Variants in SENP5 observed in about 807,000 individuals in gnomAD.
SENP5 encodes SUMO specific peptidase 5.
Under a neutral mutation model 74.2 loss-of-function variants are expected in SENP5, and 21 were observed. That is an observed-to-expected ratio of 0.28 (90% CI 0.20 to 0.41). The LOEUF (loss-of-function observed/expected upper bound fraction) is 0.41. Among genes scored for constraint, SENP5 ranks in the 10% least tolerant of loss-of-function variants. The pLI is 1.00. For missense variants in SENP5, 717 were observed against 889.1 expected (o/e 0.81, Z 2.46); for synonymous variants, 311 against 312.7 (o/e 0.99, Z 0.06).
At chr3:196,911,514 G>A (rs1002371145) in intron 6 of SENP5, among the ~76,000 whole-genome samples, 4 of 150,182 alleles carry the variant, frequency 2.7e-5, no homozygotes, top group African/African-American at 4.9e-5. Context: ...CCAAGATTGC[G>A]CCACTGCACT....
At chr3:196,908,940 C>A (rs1715013543) in intron 6 of SENP5, among the ~76,000 whole-genome samples, 1 of 151,870 alleles carries the variant, frequency 6.6e-6, no homozygotes, top group African/African-American at 2.4e-5. Flanking sequence ...GAGATAGAAA[C>A]ACAAAAAAAC....
intron 8 of SENP5, 50 bp from the exon 9 acceptor site, chr3:196,929,583 A>G: frequency 8.4e-7 from 1 of 1,193,802 alleles, no homozygotes; most frequent in Non-Finnish European, 1.2e-6. Flanking sequence ...TTCTTATCTG[A>G]AGAGAAGTAA....
At position 196,885,190 on chromosome 3, in the gene SENP5, A is replaced by C; in HGVS notation, c.9A>C (p.Lys3Asn). The change falls in exon 2 of 10, where the codon AAA becomes AAC. Residue 3 changes from lysine to asparagine, a missense_variant. Coordinates refer to ENST00000323460, the MANE Select transcript of SENP5 (RefSeq NM_152699.5). ...CATTATGCATCAGAAAAATGAAAAA[A>C]CAGAGGAAAATTCTATGGAGGAAAG... MKKQRKILWRKGI... is the reference protein window; with the variant it reads MKNQRKILWRKGI... 1 of 1,608,970 alleles carries C rather than the reference A, an allele frequency of 6.2e-7. No individual in the cohort carries two copies. Among genetic ancestry groups the C allele is most frequent in the Non-Finnish European group, 8.5e-7 (1 of 1,178,146 alleles).
intron 9 of SENP5, among the ~76,000 whole-genome samples, chr3:196,930,480 A>C (rs535174374): frequency 1.3e-5 from 2 of 152,246 alleles, no homozygotes; most frequent in African/African-American, 4.8e-5. Context: ...ATGCTGCCTT[A>C]GATCGGGGTC....
intron 2 of SENP5, among the ~76,000 whole-genome samples, chr3:196,895,310 C>G (rs199937226): frequency 6.6e-6 from 1 of 151,692 alleles, no homozygotes; most frequent in Non-Finnish European, 1.5e-5. Context: ...TCCTGCCTCC[C>G]GAGTAGCTGG....
At position 196,933,333 on chromosome 3, in the gene SENP5, A is replaced by G. The variant is rs1716118143; in HGVS notation, c.*2410A>G. 6.6e-6 allele frequency: 1 copy of G among 151,826 alleles called. No individual in the cohort carries two copies. The highest frequency in any genetic ancestry group is 1.5e-5 in the Non-Finnish European group (1 of 67,982). The allele number at this position is 151,826 out of a possible 1,614,324, so 9.4% of individuals were successfully genotyped here. The stretch of plus-strand genomic sequence containing the variant: ...GCCTGGCCAATGTTAAGTATTTTAA[A>G]AGTCATTTTAAAATATTTGTCATTG... On this transcript the variant is annotated 3_prime_UTR_variant, in exon 10 of 10. Transcript: ENST00000323460.
At position 196,885,427 on chromosome 3, in the gene SENP5, C is replaced by T; in HGVS notation, c.246C>T (p.Phe82=). ...KDEPLCAKTK[F]NVATQNVSTL... ...AACCCCTTTGTGCTAAGACCAAGTT[C>T]AATGTGGCTACTCAAAATGTTAGTA... Residue 82 remains phenylalanine, a synonymous_variant, in exon 2 of 10, where the codon TTC becomes TTT. Coordinates refer to ENST00000323460, the MANE Select transcript of SENP5 (RefSeq NM_152699.5). The T allele has an allele frequency of 6.2e-7, 1 of 1,614,122 alleles. No individual in the cohort carries two copies. The highest frequency in any genetic ancestry group is 8.5e-7 in the Non-Finnish European group (1 of 1,180,028).
chr3:196,878,965 G>A (rs973594236), intron 1 of SENP5, among the ~76,000 whole-genome samples: 13 of 152,222 alleles, frequency 8.5e-5, no homozygotes, highest in Middle Eastern at 3.4e-3. Flanking sequence ...GATGAAGATT[G>A]TTCTTTTTTA....
chr3:196,927,587 G>T (rs1715860324), intron 7 of SENP5, among the ~76,000 whole-genome samples: 1 of 149,764 alleles, frequency 6.7e-6, no homozygotes, highest in African/African-American at 2.5e-5. Context: ...AGTGAGCTAT[G>T]ATCACGCCAT....
chr3:196,887,569 A>G (rs1714028740), intron 2 of SENP5, among the ~76,000 whole-genome samples: 1 of 151,852 alleles, frequency 6.6e-6, no homozygotes, highest in South Asian at 2.1e-4. Flanking sequence ...CTGGTTCCTA[A>G]GAATGTAGCA....
intron 2 of SENP5, 33 bp from the exon 3 acceptor site, chr3:196,899,633 C>T (rs763868659): frequency 7.1e-7 from 1 of 1,400,798 alleles, no homozygotes. Flanking sequence ...GCTTGTTTTT[C>T]CATCTTAACT....
Position 196,885,607 on chromosome 3 carries a change from CTT to C in SENP5, c.428_429del (p.Phe143SerfsTer4), listed in dbSNP as rs1186451822. 6.2e-7 allele frequency: 1 copy of C among 1,614,094 alleles called. No homozygotes were observed. Among genetic ancestry groups the C allele is most frequent in the Non-Finnish European group, 8.5e-7 (1 of 1,180,064 alleles). The part of the protein sequence containing the change: ...EKNLLKAVTD[F>X]PSNSALGQAN... ...AAAATCTCTTGAAGGCAGTTACTGACTTTCCATCAAATAGTGCTTTAGGTCAG... is the reference window on the plus strand; with the variant it reads ...AAAATCTCTTGAAGGCAGTTACTGACTCCATCAAATAGTGCTTTAGGTCAG... On this transcript the variant is annotated frameshift_variant, in exon 2 of 10. Transcript: ENST00000323460. LOFTEE classifies it high-confidence loss of function.
In SENP5 at chr3:196,886,419, T is replaced by A; in HGVS notation, c.1238T>A (p.Leu413Gln). 6.2e-7 allele frequency: 1 copy of A among 1,611,522 alleles called. No homozygotes were observed. Among genetic ancestry groups the A allele is most frequent in the East Asian group, 2.2e-5 (1 of 44,830 alleles). The part of the protein sequence containing the change: ...TSSVSDDRVK[L>Q]SVSGADTSVS... The stretch of plus-strand genomic sequence containing the variant: ...TCTGTCAGTGATGACAGAGTAAAAC[T>A]GTCAGTGTCTGGAGCAGATACATCT... Residue 413 changes from leucine (L) to glutamine (Q), a missense_variant, in exon 2 of 10, where the codon CTG becomes CAG. Transcript: ENST00000323460.
chr3:196,899,735 G>C lies in SENP5; in HGVS notation c.1583G>C (p.Arg528Thr), dbSNP rs200302180. The stretch of plus-strand genomic sequence containing the variant: ...CTCAGTGAAAAAGAAGTCCTTGGAA[G>C]ATTAAAAGATGTCTTTAATGAAGAC... ...VPLSEKEVLG[R>T]LKDVFNEDFS... Residue 528 changes from arginine (R) to threonine (T), a missense_variant, in exon 3 of 10, where the codon AGA (arginine) becomes ACA (threonine). Transcript: ENST00000323460. 1 of 1,608,318 alleles carries C rather than the reference G, an allele frequency of 6.2e-7. No individual in the cohort carries two copies. Among genetic ancestry groups the C allele is most frequent in the South Asian group, 1.1e-5 (1 of 90,958 alleles).
intron 1 of SENP5, among the ~76,000 whole-genome samples, chr3:196,884,046 A>G (rs549831289): frequency 7.2e-5 from 11 of 152,352 alleles, no homozygotes; most frequent in Admixed American, 2.6e-4. Flanking sequence ...ACCAAATACC[A>G]CTTAAGACTG....
chr3:196,879,084 G>A (rs541205731), intron 1 of SENP5, among the ~76,000 whole-genome samples: 4 of 152,196 alleles, frequency 2.6e-5, no homozygotes, highest in Admixed American at 6.5e-5. Flanking sequence ...ACCATTCCAG[G>A]TGAGATAATT....
At chr3:196,872,871 A>G (rs944991505) in intron 1 of SENP5, among the ~76,000 whole-genome samples, 2 of 152,134 alleles carry the variant, frequency 1.3e-5, no homozygotes. Context: ...CTAGAGAAGA[A>G]GACTCCAGGT....
At chr3:196,879,809 G>T (rs994777475) in intron 1 of SENP5, among the ~76,000 whole-genome samples, 2 of 151,960 alleles carry the variant, frequency 1.3e-5, no homozygotes, top group African/African-American at 2.4e-5. Flanking sequence ...GTACTTTCTG[G>T]GAGATTGCTC....
At chr3:196,918,780 T>C (rs1303862906) in intron 6 of SENP5, among the ~76,000 whole-genome samples, 1 of 151,996 alleles carries the variant, frequency 6.6e-6, no homozygotes, top group African/African-American at 2.4e-5. Context: ...ACTTCACCTA[T>C]AAAGATATAC....
Sources: gnomAD v4.1 joint callset for allele counts (sites outside exome capture counted in the v4.1 genomes callset) on GRCh38, gnomAD v4.1.1 for gene constraint, MANE v1.5 for transcripts, NCBI Gene and HGNC (gene_info 2026-07-23, HGNC 2026-07-21) for gene names.